Variants in PXDNL observed in about 807,000 individuals in gnomAD.
The protein encoded by PXDNL is probable oxidoreductase PXDNL.
In PXDNL, 145 loss-of-function variants were observed where a neutral mutation model predicts 150.8. The observed-to-expected ratio is 0.96, with a 90% confidence interval of 0.84 to 1.10. The LOEUF (loss-of-function observed/expected upper bound fraction) is 1.10, where lower values mean the gene tolerates loss of function less well. Among genes scored for constraint, PXDNL ranks in the 50% least tolerant of loss-of-function variants. The pLI is 0.00. For missense variants in PXDNL, 2,087 were observed against 1,873.9 expected (o/e 1.11, Z -2.10); for synonymous variants, 757 against 725.7 (o/e 1.04, Z -0.69).
At chr8:51,558,836 C>T (rs368624056) in intron 3 of PXDNL, among the ~76,000 whole-genome samples, 7 of 152,014 alleles carry the variant, frequency 4.6e-5, no homozygotes, top group Non-Finnish European at 8.8e-5. Context: ...TTTGTATGCT[C>T]GCTGAAGAGT....
chr8:51,535,726 T>A (rs367736524), intron 4 of PXDNL, among the ~76,000 whole-genome samples: 11,525 of 142,232 alleles, frequency 0.081, 812 homozygotes, highest in East Asian at 0.23. Flanking sequence ...AAAAAATAAA[T>A]AAATAAATAA....
intron 5 of PXDNL, among the ~76,000 whole-genome samples, chr8:51,491,075 T>G (rs1283532533): frequency 2.0e-5 from 3 of 152,088 alleles, no homozygotes; most frequent in Non-Finnish European, 4.4e-5. Context: ...GTAAAAAGAC[T>G]AGACTGGCTT....
At chr8:51,492,631 T>C (rs557821567) in intron 5 of PXDNL, among the ~76,000 whole-genome samples, 3 of 152,262 alleles carry the variant, frequency 2.0e-5, no homozygotes, top group Admixed American at 1.3e-4. Flanking sequence ...CACCAGGAGA[T>C]TGTATCCCGC....
intron 20 of PXDNL, 44 bp from the exon 21 acceptor site, chr8:51,339,797 C>T (rs373123808): frequency 1.1e-5 from 18 of 1,567,302 alleles, no homozygotes; most frequent in African/African-American, 6.9e-5. Flanking sequence ...AAATAAAAGT[C>T]GTGTGAGAAT....
At chr8:51,557,849 T>C (rs1225053380) in intron 3 of PXDNL, among the ~76,000 whole-genome samples, 1 of 152,154 alleles carries the variant, frequency 6.6e-6, no homozygotes, top group African/African-American at 2.4e-5. Flanking sequence ...TTTTCTATAA[T>C]TTGCTTAGTT....
At chr8:51,454,961 T>TGAAATAA (rs1809897275) in intron 9 of PXDNL, among the ~76,000 whole-genome samples, 1 of 138,750 alleles carries the variant, frequency 7.2e-6, no homozygotes, top group African/African-American at 3.1e-5. Flanking sequence ...AGGGAAAAAT[T>TGAAATAA]AGCCGGGCGC....
At chr8:51,725,404 T>C (rs977310647) in intron 1 of PXDNL, among the ~76,000 whole-genome samples, 1 of 152,242 alleles carries the variant, frequency 6.6e-6, no homozygotes, top group Non-Finnish European at 1.5e-5. Context: ...CTGAGTAAAC[T>C]GATTGAAAAT....
intron 21 of PXDNL, among the ~76,000 whole-genome samples, chr8:51,330,645 CATT>C (rs1197217773): frequency 2.0e-5 from 3 of 152,144 alleles, no homozygotes; most frequent in Non-Finnish European, 2.9e-5. Context: ...ACTACATTCA[CATT>C]ATGAGGTACT....
intron 4 of PXDNL, among the ~76,000 whole-genome samples, chr8:51,516,417 T>G (rs763662617): frequency 5.3e-5 from 8 of 152,342 alleles, no homozygotes; most frequent in Non-Finnish European, 1.2e-4. Flanking sequence ...TATCTTGGCT[T>G]TGACAGACAC....
At chr8:51,481,783 G>A (rs775031213) in intron 6 of PXDNL, among the ~76,000 whole-genome samples, 61 of 152,220 alleles carry the variant, frequency 4.0e-4, no homozygotes, top group Non-Finnish European at 6.6e-4. Flanking sequence ...AAGCTTACAT[G>A]TGGTGTTGGG....
chr8:51,742,333 A>G lies in PXDNL; in HGVS notation c.164+66848T>C, dbSNP rs541498225. ...ACTGTGGCAGTGATCACACGCATCTACTCAGGTGGTAAAGCTGAGTAGAAC... is the reference window on the plus strand; with the variant it reads ...ACTGTGGCAGTGATCACACGCATCTGCTCAGGTGGTAAAGCTGAGTAGAAC... On this transcript the variant is annotated intron_variant, in intron 1 of 22. Coordinates refer to ENST00000356297, the MANE Select transcript of PXDNL (RefSeq NM_144651.5). Among the ~76,000 whole-genome samples the G allele has an allele frequency of 5.9e-5, 9 of 152,282 alleles. 1 individual carries two copies. The South Asian group carries it at 1.9e-3, about 32-fold the overall frequency.
intron 18 of PXDNL, among the ~76,000 whole-genome samples, chr8:51,372,664 C>T (rs927597452): frequency 4.6e-5 from 7 of 152,206 alleles, no homozygotes; most frequent in African/African-American, 9.6e-5. Flanking sequence ...GGATTACAGG[C>T]GTGAGCCACC....
At chr8:51,608,027 A>AAGAAAGAAAG (rs1563481677) in intron 2 of PXDNL, among the ~76,000 whole-genome samples, 4 of 106,538 alleles carry the variant, frequency 3.8e-5, no homozygotes, top group Non-Finnish European at 5.8e-5. Context: ...GAAAGAAAGA[A>AAGAAAGAAAG]AGAAAGAAAG....
At chr8:51,570,977 C>T (rs1284067909) in intron 3 of PXDNL, among the ~76,000 whole-genome samples, 1 of 151,680 alleles carries the variant, frequency 6.6e-6, no homozygotes, top group African/African-American at 2.4e-5. Flanking sequence ...CTCCTATATC[C>T]TAAAACTATG....
At chr8:51,507,689 A>G (rs1278169683) in intron 4 of PXDNL, among the ~76,000 whole-genome samples, 1 of 152,150 alleles carries the variant, frequency 6.6e-6, no homozygotes, top group Non-Finnish European at 1.5e-5. Context: ...GCTTAGGATG[A>G]TTTTGTTTTG....
intron 19 of PXDNL, among the ~76,000 whole-genome samples, chr8:51,354,318 T>C (rs999623317): frequency 1.3e-5 from 2 of 152,114 alleles, no homozygotes; most frequent in African/African-American, 4.8e-5. Context: ...TTTTGACTTA[T>C]TTGATTATGG....
At chr8:51,368,768 G>A (rs1295264080) in intron 19 of PXDNL, among the ~76,000 whole-genome samples, 2 of 152,124 alleles carry the variant, frequency 1.3e-5, no homozygotes, top group Non-Finnish European at 2.9e-5. Flanking sequence ...GGCTGAGGCA[G>A]GCAGATCACT....
At chr8:51,336,284 T>C (rs576606619) in intron 21 of PXDNL, among the ~76,000 whole-genome samples, 1 of 152,234 alleles carries the variant, frequency 6.6e-6, no homozygotes, top group Admixed American at 6.5e-5. Context: ...AAACAAAGGG[T>C]TTTTGTAAAA....
intron 3 of PXDNL, among the ~76,000 whole-genome samples, chr8:51,578,386 C>T (rs1215684575): frequency 6.6e-6 from 1 of 151,862 alleles, no homozygotes; most frequent in Non-Finnish European, 1.5e-5. Context: ...TTTGCAGTCA[C>T]TTGAAAACAA....
Sources: allele counts gnomAD v4.1 joint callset (sites outside exome capture counted in the v4.1 genomes callset), GRCh38; gene constraint gnomAD v4.1.1; transcripts MANE v1.5; gene names NCBI Gene and HGNC (gene_info 2026-07-23, HGNC 2026-07-21).